The following RIOK2 variants were observed in gnomAD, a reference collection of about 807,000 sequenced individuals.
RIOK2 encodes the protein serine/threonine-protein kinase RIO2.
In RIOK2, 46 loss-of-function variants were observed where a neutral mutation model predicts 62.4. The observed-to-expected ratio is 0.74, with a 90% CI of 0.58 to 0.94. The LOEUF (loss-of-function observed/expected upper bound fraction) is 0.94. Among genes scored for constraint, RIOK2 ranks in the 40% least tolerant of loss-of-function variants. The pLI is 0.00. For synonymous variants in RIOK2, 197 were observed against 216.0 expected, an observed-to-expected ratio of 0.91 and a Z score of 0.77; for missense variants, 574 against 658.0, an observed-to-expected ratio of 0.87 and a Z score of 1.40.
At chr5:97,182,634 G>C (rs1749447692) in intron 1 of RIOK2, among the ~76,000 whole-genome samples, 1 of 152,016 alleles carries the variant, frequency 6.6e-6, no homozygotes, top group South Asian at 2.1e-4. Context: ...GATGATCTGT[G>C]TCTCTCTCTC....
chr5:97,168,416 C>T (rs1748905064), intron 7 of RIOK2, among the ~76,000 whole-genome samples: 2 of 82,064 alleles, frequency 2.4e-5, no homozygotes, highest in Non-Finnish European at 5.5e-5. Context: ...ATTAAAGATA[C>T]CTCCTGGTCC....
At chr5:97,168,135 A>G in intron 7 of RIOK2, 144 bp from the exon 8 acceptor site, 1 of 775,572 alleles carries the variant, frequency 1.3e-6, no homozygotes. Context: ...CTAAAATGTA[A>G]TATTTAAATG....
At chr5:97,166,116 G>A (rs1302699625) in intron 8 of RIOK2, among the ~76,000 whole-genome samples, 1 of 152,188 alleles carries the variant, frequency 6.6e-6, no homozygotes, top group Non-Finnish European at 1.5e-5. Context: ...ATTTGGACTG[G>A]AACTGTACCA....
chr5:97,177,023 G>A, intron 4 of RIOK2, 93 bp downstream of exon 4: 1 of 1,036,264 alleles, frequency 9.7e-7, no homozygotes, highest in South Asian at 1.3e-5. Context: ...TTAGAGAGAT[G>A]TGGGGACAAC....
In RIOK2 at chr5:97,162,777, C is replaced by G; in HGVS notation, c.*284G>C. 1 of 307,642 alleles carries G rather than the reference C, an allele frequency of 3.3e-6. No individual in the cohort carries two copies. Among genetic ancestry groups the G allele is most frequent in the South Asian group, 4.9e-5 (1 of 20,462 alleles). 19.1% of individuals were successfully genotyped at this position (307,642 alleles called of 1,614,324 possible). On this transcript the variant is annotated 3_prime_UTR_variant, in exon 10 of 10. Transcript: ENST00000283109. ...GTGCATTGTAGCATATCATCCTCAA[C>G]AAACAGAAAACAACAAAAATGTTAT...
chr5:97,173,314 A>G (rs1413643738), intron 4 of RIOK2, 51 bp from the exon 5 acceptor site: 4 of 1,146,024 alleles, frequency 3.5e-6, no homozygotes, highest in Non-Finnish European at 5.2e-6. Context: ...ATTACTCTTT[A>G]AAGAACAATA....
chr5:97,183,227 G>A lies in RIOK2; in HGVS notation c.-36C>T, dbSNP rs113868216. On this transcript the variant is annotated 5_prime_UTR_variant, in exon 1 of 10. Coordinates refer to ENST00000283109, the MANE Select transcript of RIOK2 (RefSeq NM_018343.3). ...GTCCGAACCCAGATGCCTCTCCGAC[G>A]ACAGCCGCAAAGCGTAAGGCAGGTC... The A allele has an allele frequency of 9.9e-6, 16 of 1,610,620 alleles. No individual in the cohort carries two copies. Among genetic ancestry groups the A allele is most frequent in the Admixed American group, 1.7e-5 (1 of 60,008 alleles).
chr5:97,177,343 T>C (rs1240723529), intron 3 of RIOK2, 52 bp from the exon 4 acceptor site: 3 of 1,439,420 alleles, frequency 2.1e-6, no homozygotes, highest in African/African-American at 2.9e-5. Context: ...TTCCAATCAG[T>C]TAAAACAATT....
intron 1 of RIOK2, 96 bp downstream of exon 1, chr5:97,183,030 A>T (rs750471766): frequency 8.7e-5 from 113 of 1,301,398 alleles, no homozygotes; most frequent in Non-Finnish European, 1.2e-4. Flanking sequence ...CCCGGGTCCC[A>T]GAGTGTGCCT....
intron 9 of RIOK2, among the ~76,000 whole-genome samples, chr5:97,164,164 C>T (rs1288742680): frequency 6.6e-6 from 1 of 151,896 alleles, no homozygotes; most frequent in Non-Finnish European, 1.5e-5. Context: ...GTGCTGGGAT[C>T]ACAGGTCTGA....
Position 97,168,008 on chromosome 5 carries a change from T to C in RIOK2, c.873-17A>G. 6.4e-7 allele frequency: 1 copy of C among 1,564,694 alleles called. No individual in the cohort carries two copies. Among genetic ancestry groups the C allele is most frequent in the Non-Finnish European group, 8.6e-7 (1 of 1,165,844 alleles). ...TCTTCTCTCCTAGAAAAAAAAGGCG[T>C]CAAGCATAGAAAGAGAGAAAAAATG... On this transcript the variant is annotated splice_polypyrimidine_tract_variant and intron_variant, in intron 7 of 9. Coordinates refer to ENST00000283109, the MANE Select transcript of RIOK2 (RefSeq NM_018343.3).
chr5:97,182,077 T>C (rs1318783698), intron 1 of RIOK2, among the ~76,000 whole-genome samples: 3 of 152,194 alleles, frequency 2.0e-5, no homozygotes, highest in Non-Finnish European at 4.4e-5. Flanking sequence ...ATATAGGTAG[T>C]CCTTATCATG....
chr5:97,182,796 TA>T, intron 1 of RIOK2: 1 of 228,472 alleles, frequency 4.4e-6, no homozygotes, highest in Non-Finnish European at 8.5e-6. Context: ...GGGGGGGGCT[TA>T]AACCTTTCAC....
At chr5:97,171,116 G>A (rs530281266) in intron 6 of RIOK2, 90 bp downstream of exon 6, 26 of 877,074 alleles carry the variant, frequency 3.0e-5, no homozygotes, top group African/African-American at 7.0e-5. Context: ...AGCCGAGATC[G>A]CGCCATTGCA....
At chr5:97,171,589 A>G (rs1195856423) in intron 5 of RIOK2, among the ~76,000 whole-genome samples, 192 bp from the exon 6 acceptor site, 1 of 152,130 alleles carries the variant, frequency 6.6e-6, no homozygotes, top group Non-Finnish European at 1.5e-5. Context: ...TCAATTCTGT[A>G]TCTCTTTTCT....
intron 1 of RIOK2, among the ~76,000 whole-genome samples, chr5:97,179,993 A>T (rs867757531): frequency 8.3e-5 from 4 of 48,224 alleles, no homozygotes; most frequent in African/African-American, 3.0e-4. Context: ...TATATATAAA[A>T]TATATATATA....
chr5:97,174,427 G>GT (rs111845025), intron 4 of RIOK2, among the ~76,000 whole-genome samples: 19 of 151,392 alleles, frequency 1.3e-4, no homozygotes, highest in South Asian at 4.2e-4. Context: ...CTCAAAAAAA[G>GT]TTTTTTTTTA....
chr5:97,167,966 C>G lies in RIOK2; in HGVS notation c.898G>C (p.Val300Leu). 6.2e-7 allele frequency: 1 copy of G among 1,602,916 alleles called. No individual in the cohort carries two copies. The highest frequency in any genetic ancestry group is 8.5e-7 in the Non-Finnish European group (1 of 1,179,312). ...TCCTTTGTGTAGCCACTGGCAGAAA[C>G]CTCCACATCAAGAGTGTCTTCTCTC... ...IRREDTLDVE[V>L]SASGYTKEMQ... The change falls in exon 8 of 10, where the codon GTT becomes CTT. Residue 300 changes from valine (V) to leucine (L), a missense_variant. Coordinates refer to ENST00000283109, the MANE Select transcript of RIOK2 (RefSeq NM_018343.3).
rs150042014 is a variant in RIOK2, at chr5:97,166,978, C to T, written c.1397+489G>A. 105 of 680,980 alleles carry T rather than the reference C, an allele frequency of 1.5e-4. 1 individual carries two copies. The East Asian group carries it at 8.4e-3, about 55-fold the overall frequency. The allele number at this position is 680,980 out of a possible 1,614,324, so 42.2% of individuals were successfully genotyped here. On this transcript the variant is annotated intron_variant, in intron 8 of 9. Coordinates refer to ENST00000283109, the MANE Select transcript of RIOK2 (RefSeq NM_018343.3). ...TCACCCAGGCTGGAGTGCAGTGGTACGATCTTTGGCTTACTGCAACCTCTG... is the reference window on the plus strand; with the variant it reads ...TCACCCAGGCTGGAGTGCAGTGGTATGATCTTTGGCTTACTGCAACCTCTG...
Sources: allele counts gnomAD v4.1 joint callset (sites outside exome capture counted in the v4.1 genomes callset), GRCh38; gene constraint gnomAD v4.1.1; transcripts MANE v1.5; gene names NCBI Gene and HGNC (gene_info 2026-07-23, HGNC 2026-07-21).